SH3BP5: variants seen among roughly 807,000 people sequenced by gnomAD.
SH3BP5 encodes the protein SH3 domain binding protein 5.
SH3BP5 carries 22 observed loss-of-function variants against 43.3 expected under a neutral mutation model. The ratio of observed to expected loss-of-function variants is 0.51; its 90% CI spans 0.36 to 0.73. The LOEUF is 0.73. Ranked by LOEUF, SH3BP5 falls within the 30% of genes least tolerant of loss-of-function variation. The pLI is 0.00. For synonymous variants in SH3BP5, 255 were observed against 225.8 expected (o/e 1.13, Z -1.16); for missense variants, 529 against 586.9 (o/e 0.90, Z 1.02).
chr3:15,337,749 CA>C (rs529496625), intron 1 of SH3BP5, among the ~76,000 whole-genome samples: 277 of 148,758 alleles, frequency 1.9e-3, no homozygotes, highest in South Asian at 0.015. Flanking sequence ...ACATCTCTAC[CA>C]AAAAAAAATT....
chr3:15,269,729 T>C lies in SH3BP5; in HGVS notation c.479A>G (p.Asn160Ser). ...QFDSAWQEML[N>S]HATQRVMEAE... ...GACTCATACCCTCTGAGTGGCGTGATTCAGCATCTCCTGCCAGGCGGAGTC... is the reference window on the plus strand; with the variant it reads ...GACTCATACCCTCTGAGTGGCGTGACTCAGCATCTCCTGCCAGGCGGAGTC... The change falls in exon 4 of 9, where the codon AAT becomes AGT. Residue 160 changes from asparagine (N) to serine (S), a missense_variant. Transcript: ENST00000383791. 1.2e-6 allele frequency: 2 copies of C among 1,603,346 alleles called. No individual in the cohort carries two copies. The highest frequency in any genetic ancestry group is 2.2e-5 in the South Asian group (2 of 89,838).
At chr3:15,309,711 T>C (rs948058842) in intron 2 of SH3BP5, among the ~76,000 whole-genome samples, 1 of 152,142 alleles carries the variant, frequency 6.6e-6, no homozygotes, top group Non-Finnish European at 1.5e-5. Context: ...ATGCCCTTTT[T>C]GTGACTATCT....
intron 3 of SH3BP5, among the ~76,000 whole-genome samples, chr3:15,294,167 T>C (rs1028106157): frequency 4.7e-5 from 7 of 150,320 alleles, no homozygotes; most frequent in Non-Finnish European, 8.9e-5. Flanking sequence ...AATGAGATAA[T>C]GTACATAAAA....
In SH3BP5 at chr3:15,276,712, G is replaced by C. The variant is rs552095509; in HGVS notation, c.331-6835C>G. ...AGGTGGTAGCTCCAAGTCAGGAAGA[G>C]AGCTCTCAAGACCAGACCAACCTAG... On this transcript the variant is annotated intron_variant, in intron 3 of 8. Transcript: ENST00000383791. Among the ~76,000 whole-genome samples the C allele has an allele frequency of 2.0e-4, 30 of 152,298 alleles. 2 individuals carry two copies. The Middle Eastern group carries it at 0.01, about 52-fold the overall frequency.
At chr3:15,296,341 TACACAC>T (rs141504303) in intron 3 of SH3BP5, among the ~76,000 whole-genome samples, 31 of 146,262 alleles carry the variant, frequency 2.1e-4, no homozygotes, top group African/African-American at 5.1e-4. Context: ...GGAAATCATA[TACACAC>T]ACACACACAC....
At chr3:15,334,391 A>G (rs193041665), upstream of SH3BP5, among the ~76,000 whole-genome samples, 16 of 152,282 alleles carry the variant, frequency 1.1e-4, no homozygotes, top group Non-Finnish European at 1.9e-4. Context: ...ACAGATAGAA[A>G]ATATTTGGGG....
chr3:15,262,514 G>A (rs1003327110), intron 4 of SH3BP5, among the ~76,000 whole-genome samples: 5 of 152,000 alleles, frequency 3.3e-5, no homozygotes, highest in Admixed American at 1.3e-4. Flanking sequence ...AAAATCAGCC[G>A]GGCCTGGTGG....
chr3:15,289,600 G>T (rs149390695), intron 3 of SH3BP5, among the ~76,000 whole-genome samples: 1 of 152,298 alleles, frequency 6.6e-6, no homozygotes, highest in East Asian at 1.9e-4. Flanking sequence ...TTTGAGTTCT[G>T]TTGCTTACGA....
At chr3:15,279,338 T>A (rs960946129) in intron 3 of SH3BP5, among the ~76,000 whole-genome samples, 17 of 152,306 alleles carry the variant, frequency 1.1e-4, no homozygotes, top group African/African-American at 4.1e-4. Flanking sequence ...ATCTATGGTA[T>A]GTATCTACCC....
At chr3:15,303,071 C>T (rs1170478978) in intron 3 of SH3BP5, among the ~76,000 whole-genome samples, 2 of 152,208 alleles carry the variant, frequency 1.3e-5, no homozygotes, top group Non-Finnish European at 1.5e-5. Context: ...TGATCGGCCT[C>T]CCAGAGTGCT....
intron 2 of SH3BP5, among the ~76,000 whole-genome samples, chr3:15,320,111 C>A (rs188062734): frequency 6.6e-6 from 1 of 152,216 alleles, no homozygotes; most frequent in East Asian, 1.9e-4. Flanking sequence ...CCTTTGCATG[C>A]TGGAAACAAA....
rs139476349 is a variant in SH3BP5 at position 15,283,059 on chromosome 3, T to C, written c.331-13182A>G. 2.6e-3 allele frequency among the ~76,000 whole-genome samples: 392 copies of C among 152,326 alleles called. 4 individuals carry two copies. Among genetic ancestry groups the C allele is most frequent in the South Asian group, 2.7e-3 (13 of 4,828 alleles). ...AGGGAAAACCAAAAATATTTGTCAA[T>C]GGTTGTCCTCATTAAAGGCAACATT... is the stretch of plus-strand genomic sequence containing the variant. On this transcript the variant is annotated intron_variant, in intron 3 of 8. Transcript: ENST00000383791.
intron 3 of SH3BP5, chr3:15,273,170 ATGGGATT>A: frequency 1.0e-6 from 1 of 985,334 alleles, no homozygotes; most frequent in Non-Finnish European, 1.2e-6. Flanking sequence ...GGATCCTAAA[ATGGGATT>A]TGTATTTGCC....
intron 2 of SH3BP5, among the ~76,000 whole-genome samples, chr3:15,321,773 A>G (rs1164731029): frequency 6.6e-6 from 1 of 151,808 alleles, no homozygotes; most frequent in Non-Finnish European, 1.5e-5. Flanking sequence ...ACAAACTAGG[A>G]AAGTAAAATG....
chr3:15,332,708 C>A (rs987332344), upstream of SH3BP5: 3 of 1,075,874 alleles, frequency 2.8e-6, no homozygotes, highest in Admixed American at 1.0e-4. Context: ...CGTCGCAAAA[C>A]CCCAGCTCCC....
At chr3:15,330,396 G>A (rs1290578926) in intron 2 of SH3BP5, 108 bp downstream of exon 2, 2 of 887,006 alleles carry the variant, frequency 2.3e-6, no homozygotes, top group Non-Finnish European at 3.7e-6. Flanking sequence ...CAACTCCCAA[G>A]GAGGGGGGTC....
chr3:15,318,801 G>C (rs561580967), intron 2 of SH3BP5, among the ~76,000 whole-genome samples: 12 of 152,258 alleles, frequency 7.9e-5, no homozygotes, highest in African/African-American at 2.9e-4. Flanking sequence ...CAAATTCGTA[G>C]CCTCAAGCCA....
intron 1 of SH3BP5, chr3:15,330,820 C>T: frequency 1.1e-6 from 1 of 875,762 alleles, no homozygotes; most frequent in Middle Eastern, 5.8e-4. Flanking sequence ...CAGAGGTCAA[C>T]TATTCCAGGT....
Position 15,255,962 on chromosome 3 carries a change from A to G in SH3BP5, c.*124T>C, listed in dbSNP as rs17040912. On this transcript the variant is annotated 3_prime_UTR_variant, in exon 9 of 9. Coordinates refer to ENST00000383791, the MANE Select transcript of SH3BP5 (RefSeq NM_004844.5). ...ATCTTTAGCCCTCAAGGTCACTGAA[A>G]CTTCATTAGAGCAGTTTAGAGTAGA... The G allele has an allele frequency of 3.2e-3, 2,672 of 845,742 alleles. 47 individuals carry two copies. The African/African-American group carries it at 0.039, about 12-fold the overall frequency. The allele number at this position is 845,742 out of a possible 1,614,324, so 52.4% of individuals were successfully genotyped here.
Sources: gnomAD v4.1 joint callset for allele counts (sites outside exome capture counted in the v4.1 genomes callset) on GRCh38, gnomAD v4.1.1 for gene constraint, MANE v1.5 for transcripts, NCBI Gene and HGNC (gene_info 2026-07-23, HGNC 2026-07-21) for gene names.